Variants in ERG observed in about 807,000 individuals in gnomAD.
ERG encodes transcriptional regulator ERG.
A neutral mutation model predicts 55.3 loss-of-function variants in ERG; 9 were observed. That is an observed-to-expected ratio of 0.16 (90% CI 0.10 to 0.28). ERG has a LOEUF of 0.28. Among genes scored for constraint, ERG ranks in the 10% least tolerant of loss-of-function variants. The probability of loss-of-function intolerance (pLI) is 1.00; values close to 1 mark genes in which losing one functional copy is unlikely to be tolerated. For missense variants in ERG, 434 were observed against 631.6 expected (o/e 0.69, Z 3.35); for synonymous variants, 223 against 237.3 (o/e 0.94, Z 0.55).
chr21:38,415,598 T>C (rs1403543144), intron 3 of ERG, among the ~76,000 whole-genome samples: 1 of 152,170 alleles, frequency 6.6e-6, no homozygotes, highest in African/African-American at 2.4e-5. Context: ...TCCTCGGGTG[T>C]GTTCAGGGAC....
intron 9 of ERG, 123 bp from the exon 10 acceptor site, chr21:38,384,046 T>G: frequency 1.0e-4 from 127 of 1,256,076 alleles, no homozygotes; most frequent in Non-Finnish European, 1.3e-4. Flanking sequence ...ACCAGGCCTG[T>G]CCGTCCATCC....
intron 2 of ERG, among the ~76,000 whole-genome samples, chr21:38,546,215 C>T (rs2059786795): frequency 6.6e-6 from 1 of 152,198 alleles, no homozygotes; most frequent in Admixed American, 6.5e-5. Flanking sequence ...CCTAAAATCC[C>T]ATTGAAGTTT....
intron 1 of ERG, among the ~76,000 whole-genome samples, chr21:38,495,516 T>C (rs2059372149): frequency 6.6e-6 from 1 of 152,222 alleles, no homozygotes; most frequent in Non-Finnish European, 1.5e-5. Flanking sequence ...ATGTCAGATC[T>C]CTGTGATGAT....
At chr21:38,489,233 G>T (rs1359782685) in intron 1 of ERG, among the ~76,000 whole-genome samples, 2 of 152,186 alleles carry the variant, frequency 1.3e-5, no homozygotes, top group African/African-American at 4.8e-5. Context: ...AGAAGAACAA[G>T]GCTTTAAAAA....
At chr21:38,421,200 T>C (rs1168748475) in intron 3 of ERG, among the ~76,000 whole-genome samples, 1 of 152,184 alleles carries the variant, frequency 6.6e-6, no homozygotes, top group Non-Finnish European at 1.5e-5. Context: ...AGGTGCATTG[T>C]CAAGATCAAA....
chr21:38,629,886 T>G (rs1319183691), intron 1 of ERG, among the ~76,000 whole-genome samples: 2 of 152,082 alleles, frequency 1.3e-5, no homozygotes, highest in African/African-American at 4.8e-5. Context: ...GTAAACAAAA[T>G]GTAGTCTATA....
At chr21:38,467,320 TCAAA>T (rs918362178) in intron 1 of ERG, among the ~76,000 whole-genome samples, 2 of 77,968 alleles carry the variant, frequency 2.6e-5, no homozygotes, top group African/African-American at 5.7e-5. Flanking sequence ...CACTGTTGCC[TCAAA>T]CAAACCTCCC....
At chr21:38,503,863 C>T (rs1343194055) in intron 2 of ERG, among the ~76,000 whole-genome samples, 1 of 152,142 alleles carries the variant, frequency 6.6e-6, no homozygotes, top group Non-Finnish European at 1.5e-5. Context: ...GAGGATTTGC[C>T]TGAGAACATA....
rs1248396130 is a variant in ERG at position 38,537,823 on chromosome 21, GGAAATT to G, written c.-41+37833_-41+37838del. 2.0e-5 allele frequency among the ~76,000 whole-genome samples: 3 copies of G among 152,222 alleles called. No homozygotes were observed. In the East Asian group the frequency reaches 5.8e-4, roughly 29 times the overall value. On this transcript the variant is annotated intron_variant, in intron 2 of 8. Transcript: ENST00000398897. ...TCACCAATTCCGCATGAAGATAGCA[GGAAATT>G]GAACTGATATTTGCACATCCATGTT...
chr21:38,573,372 T>A (rs1030534870), intron 2 of ERG, among the ~76,000 whole-genome samples: 1 of 152,256 alleles, frequency 6.6e-6, no homozygotes, highest in African/African-American at 2.4e-5. Context: ...GGAAGGCCAC[T>A]GTCTCCTGTC....
intron 2 of ERG, among the ~76,000 whole-genome samples, chr21:38,532,483 A>C (rs1173989160): frequency 1.3e-4 from 20 of 152,216 alleles, no homozygotes. Context: ...CCATCATCTA[A>C]AGCAATTCTA....
the ERG span, among the ~76,000 whole-genome samples, chr21:38,368,521 C>A: frequency 2.4e-4 from 37 of 152,268 alleles, no homozygotes; most frequent in African/African-American, 7.7e-4. Context: ...ATGACCCAAT[C>A]ACCTCCCACC....
intron 2 of ERG, among the ~76,000 whole-genome samples, chr21:38,515,766 C>T (rs1356968915): frequency 6.6e-6 from 1 of 151,884 alleles, no homozygotes; most frequent in Non-Finnish European, 1.5e-5. Context: ...ACCAACAGCA[C>T]ATCAAAAAGA....
At chr21:38,419,669 T>C (rs1989448107) in intron 3 of ERG, among the ~76,000 whole-genome samples, 1 of 152,204 alleles carries the variant, frequency 6.6e-6, no homozygotes, top group Non-Finnish European at 1.5e-5. Flanking sequence ...CTTAAATCTG[T>C]TCTGAAATAG....
intron 2 of ERG, among the ~76,000 whole-genome samples, chr21:38,569,332 C>T (rs751369581): frequency 1.2e-4 from 18 of 152,350 alleles, no homozygotes; most frequent in Admixed American, 4.6e-4. Flanking sequence ...AACTTGGAAA[C>T]GGCCCGTGCC....
At chr21:38,494,171 G>A (rs530332675) in intron 1 of ERG, among the ~76,000 whole-genome samples, 1 of 152,330 alleles carries the variant, frequency 6.6e-6, no homozygotes, top group East Asian at 1.9e-4. Context: ...GCTATCAGGG[G>A]TGGTCTGACA....
chr21:38,543,421 G>A (rs889949028), intron 2 of ERG, among the ~76,000 whole-genome samples: 1 of 149,564 alleles, frequency 6.7e-6, no homozygotes, highest in South Asian at 2.1e-4. Context: ...ATAGAGCTAT[G>A]TATATGTGTA....
chr21:38,579,195 C>T (rs1003368444), intron 1 of ERG, among the ~76,000 whole-genome samples: 1 of 152,074 alleles, frequency 6.6e-6, no homozygotes, highest in African/African-American at 2.4e-5. Flanking sequence ...TATCCAAGAC[C>T]GCAGCAACAT....
intron 9 of ERG, among the ~76,000 whole-genome samples, chr21:38,384,153 C>G (rs572603887): frequency 1.2e-4 from 19 of 152,352 alleles, no homozygotes; most frequent in African/African-American, 4.3e-4. Context: ...CGCCCACCCC[C>G]AGGTATCCCA....
Sources: allele counts gnomAD v4.1 joint callset (sites outside exome capture counted in the v4.1 genomes callset), GRCh38; gene constraint gnomAD v4.1.1; transcripts MANE v1.5; gene names NCBI Gene and HGNC (gene_info 2026-07-23, HGNC 2026-07-21).